The following KIF16B variants were observed in gnomAD, a reference collection of about 807,000 sequenced individuals.
KIF16B encodes kinesin-like protein KIF16B.
In KIF16B, 98 loss-of-function variants were observed where a neutral mutation model predicts 156.3. That is an observed-to-expected ratio of 0.63 (90% CI 0.53 to 0.74). The LOEUF (loss-of-function observed/expected upper bound fraction) is 0.74, where lower values mean the gene tolerates loss of function less well. Ranked by LOEUF, KIF16B falls within the 30% of genes least tolerant of loss-of-function variation. KIF16B has a pLI of 0.00. For synonymous variants in KIF16B, 564 were observed against 583.7 expected, an observed-to-expected ratio of 0.97 and a Z score of 0.49; for missense variants, 1,421 against 1,606.5, an observed-to-expected ratio of 0.88 and a Z score of 1.97.
At chr20:16,407,151 G>A (rs1376406633) in intron 15 of KIF16B, among the ~76,000 whole-genome samples, 2 of 152,156 alleles carry the variant, frequency 1.3e-5, no homozygotes, top group African/African-American at 2.4e-5. Flanking sequence ...CAAAAGCATG[G>A]GAAGAGGCAA....
intron 1 of KIF16B, among the ~76,000 whole-genome samples, chr20:16,541,100 T>C (rs556873173): frequency 2.0e-5 from 3 of 152,212 alleles, no homozygotes; most frequent in African/African-American, 4.8e-5. Context: ...AGGGCTAGTC[T>C]CCTCCCCGAA....
rs79069983 is a variant in KIF16B, at chr20:16,469,937, G to A, written c.1302+24354C>T. On this transcript the variant is annotated intron_variant, in intron 12 of 25. Coordinates refer to ENST00000354981, the MANE Select transcript of KIF16B (RefSeq NM_024704.5). ...GGAAGCAACCCAAAAGCAGGTGAAC[G>A]GATTAAAAACAAAACAAACAAACAA... 9.6e-3 allele frequency among the ~76,000 whole-genome samples: 1,462 copies of A among 151,966 alleles called. 33 individuals are homozygous for A. The highest frequency in any genetic ancestry group is 0.032 in the African/African-American group (1,345 of 41,440).
chr20:16,411,627 G>A (rs1040665711), intron 15 of KIF16B, among the ~76,000 whole-genome samples: 10 of 151,980 alleles, frequency 6.6e-5, no homozygotes, highest in African/African-American at 1.7e-4. Context: ...TTGGACCTGC[G>A]CAGGGTATCA....
At chr20:16,409,972 TATATATATATATATATATATGTAGGTAC>T (rs1568947750) in intron 15 of KIF16B, among the ~76,000 whole-genome samples, 6 of 27,504 alleles carry the variant, frequency 2.2e-4, no homozygotes, top group South Asian at 1.2e-3. Flanking sequence ...TATATATACA[TATATATATATATATATATATGTAGGTAC>T]ATATATATAT....
chr20:16,538,458 T>C (rs2070063152), intron 1 of KIF16B, among the ~76,000 whole-genome samples: 2 of 152,208 alleles, frequency 1.3e-5, no homozygotes, highest in Admixed American at 6.5e-5. Flanking sequence ...TTTGGTGAAT[T>C]GGATTTCTCA....
intron 19 of KIF16B, 49 bp downstream of exon 19, chr20:16,378,756 C>A: frequency 2.7e-6 from 4 of 1,479,364 alleles, no homozygotes; most frequent in South Asian, 1.4e-5. Flanking sequence ...GAAAAATGAG[C>A]ACTCATTTGG....
At chr20:16,421,386 C>G (rs1471263420) in intron 15 of KIF16B, among the ~76,000 whole-genome samples, 1 of 152,056 alleles carries the variant, frequency 6.6e-6, no homozygotes, top group Non-Finnish European at 1.5e-5. Context: ...GATATAACCC[C>G]CTCCTTCTTC....
In KIF16B at chr20:16,455,123, T is replaced by G. The variant is rs970406182; in HGVS notation, c.1303-25141A>C. Among the ~76,000 whole-genome samples, 8 of 152,142 alleles carry G rather than the reference T, an allele frequency of 5.3e-5. 1 individual carries two copies. Among genetic ancestry groups the G allele is most frequent in the African/African-American group, 1.9e-4 (8 of 41,438 alleles). On this transcript the variant is annotated intron_variant, in intron 12 of 25. Transcript: ENST00000354981. Reference sequence around the variant, plus strand: ...GAAATTCATGATTCTACAACGATAATCAAAGGAGAAAAAGCCAAAGATGAG... The same window carrying G: ...GAAATTCATGATTCTACAACGATAAGCAAAGGAGAAAAAGCCAAAGATGAG...
At chr20:16,554,663 AC>A (rs987285539) in intron 1 of KIF16B, among the ~76,000 whole-genome samples, 1 of 151,784 alleles carries the variant, frequency 6.6e-6, no homozygotes, top group Non-Finnish European at 1.5e-5. Context: ...GTTGCAGGCA[AC>A]AAAAAGGAGA....
At chr20:16,520,110 C>T (rs997087731) in intron 3 of KIF16B, among the ~76,000 whole-genome samples, 1 of 151,112 alleles carries the variant, frequency 6.6e-6, no homozygotes, top group Non-Finnish European at 1.5e-5. Flanking sequence ...AGGCAGACAT[C>T]GAGCTAGCTG....
intron 24 of KIF16B, among the ~76,000 whole-genome samples, chr20:16,327,645 T>C (rs2063878594): frequency 6.6e-6 from 1 of 152,050 alleles, no homozygotes; most frequent in Admixed American, 6.6e-5. Flanking sequence ...TCCCAGGTAA[T>C]TTGGATGCTC....
intron 10 of KIF16B, among the ~76,000 whole-genome samples, chr20:16,503,470 G>A (rs1431843160): frequency 6.6e-6 from 1 of 152,156 alleles, no homozygotes; most frequent in Non-Finnish European, 1.5e-5. Flanking sequence ...CATCCCATCA[G>A]TATTTTCAAA....
At chr20:16,524,036 A>C (rs1273375545) in intron 3 of KIF16B, among the ~76,000 whole-genome samples, 2 of 151,538 alleles carry the variant, frequency 1.3e-5, no homozygotes, top group Admixed American at 6.6e-5. Context: ...AGATGGATTA[A>C]AGACTTAAAC....
intron 15 of KIF16B, among the ~76,000 whole-genome samples, chr20:16,426,552 T>C (rs903319770): frequency 1.3e-5 from 2 of 152,160 alleles, no homozygotes; most frequent in Non-Finnish European, 2.9e-5. Context: ...AGTGTTAGTG[T>C]CCTAATGTAG....
chr20:16,382,707 C>T (rs2065126990), intron 17 of KIF16B, among the ~76,000 whole-genome samples: 1 of 152,004 alleles, frequency 6.6e-6, no homozygotes, highest in African/African-American at 2.4e-5. Flanking sequence ...AATTTTTTTT[C>T]AGGGTTGGGA....
chr20:16,283,864 C>A lies in KIF16B; in HGVS notation c.3796-10453G>T, dbSNP rs139337665. On this transcript the variant is annotated intron_variant, in intron 25 of 25. Coordinates refer to ENST00000354981, the MANE Select transcript of KIF16B (RefSeq NM_024704.5). ...ACTCCTTCAGGTTGTTGGCCAAATA[C>A]GGCATTCTGTAATCACAGGACTGGG... Among the ~76,000 whole-genome samples, 171 of 152,216 alleles carry A rather than the reference C, an allele frequency of 1.1e-3. 3 individuals are homozygous for A. In the East Asian group the frequency reaches 0.026, roughly 23 times the overall value.
intron 25 of KIF16B, among the ~76,000 whole-genome samples, chr20:16,278,938 G>A (rs1198498444): frequency 2.6e-5 from 4 of 152,168 alleles, no homozygotes; most frequent in African/African-American, 4.8e-5. Context: ...TGGTGCTTTC[G>A]TGGGGACCAG....
At chr20:16,451,371 G>A (rs867083849) in intron 12 of KIF16B, among the ~76,000 whole-genome samples, 9 of 151,992 alleles carry the variant, frequency 5.9e-5, no homozygotes, top group Non-Finnish European at 1.0e-4. Context: ...GAAAGTTTAC[G>A]AAGCATACAG....
At chr20:16,459,409 G>A (rs1356665166) in intron 12 of KIF16B, among the ~76,000 whole-genome samples, 1 of 152,144 alleles carries the variant, frequency 6.6e-6, no homozygotes, top group Non-Finnish European at 1.5e-5. Context: ...GTCCCAAACT[G>A]TTTTCTCAAA....
Sources: allele counts gnomAD v4.1 joint callset (sites outside exome capture counted in the v4.1 genomes callset), GRCh38; gene constraint gnomAD v4.1.1; transcripts MANE v1.5; gene names NCBI Gene and HGNC (gene_info 2026-07-23, HGNC 2026-07-21).